Variants in NBPF15 observed in about 807,000 individuals in gnomAD.
The protein encoded by NBPF15 is NBPF family member NBPF15.
In NBPF15, 74 loss-of-function variants were observed where a neutral mutation model predicts 62.2. The observed-to-expected ratio is 1.19, with a 90% confidence interval of 0.99 to 1.44. The LOEUF is 1.44. NBPF15 is among the 40% of genes most tolerant of loss of function. The probability of loss-of-function intolerance (pLI) is 0.00; values close to 1 mark genes in which losing one functional copy is unlikely to be tolerated. For synonymous variants in NBPF15, 244 were observed against 209.7 expected, an observed-to-expected ratio of 1.16 and a Z score of -1.41; for missense variants, 790 against 550.0, an observed-to-expected ratio of 1.44 and a Z score of -4.36.
intron 6 of NBPF15, among the ~76,000 whole-genome samples, chr1:144,442,251 A>G (rs1365982600): frequency 8.3e-6 from 1 of 119,932 alleles, no homozygotes; most frequent in Admixed American, 9.2e-5. Flanking sequence ...TTATTAATAT[A>G]GATGTAGGCC....
intron 1 of NBPF15, among the ~76,000 whole-genome samples, 151 bp downstream of exon 1, chr1:144,461,230 C>T (rs61812049): frequency 4.6e-5 from 7 of 152,046 alleles, no homozygotes; most frequent in Non-Finnish European, 1.0e-4. Flanking sequence ...CAGCGGCAAG[C>T]GAGGAATCCA....
rs1416190785 is a variant in NBPF15, at chr1:144,428,025, G to A, written c.1041-35C>T. On this transcript the variant is annotated intron_variant, in intron 15 of 21. Coordinates refer to ENST00000581897, the MANE Select transcript of NBPF15 (RefSeq NM_001385408.1). ...TGGGAAAAAGTAAAGAATAAGCCAG[G>A]GGGAATCAGAAACCACACAGTCCCA... The A allele has an allele frequency of 4.0e-5, 31 of 767,440 alleles. No homozygotes were observed. The African/African-American group carries it at 4.6e-4, about 11-fold the overall frequency. 47.5% of individuals were successfully genotyped at this position (767,440 alleles called of 1,614,324 possible).
chr1:144,433,326 C>A (rs1349335558), intron 13 of NBPF15, among the ~76,000 whole-genome samples: 1 of 152,008 alleles, frequency 6.6e-6, no homozygotes, highest in Non-Finnish European at 1.5e-5. Context: ...AATTATAGCA[C>A]TAAATGCCCA....
chr1:144,453,139 CA>C (rs1364377667), intron 4 of NBPF15, among the ~76,000 whole-genome samples: 3 of 147,396 alleles, frequency 2.0e-5, no homozygotes, highest in African/African-American at 7.5e-5. Flanking sequence ...AGAAAACACA[CA>C]CATATAGATG....
chr1:144,455,535 A>T lies in NBPF15; in HGVS notation c.-432+1002T>A, dbSNP rs797034287. 2.0e-5 allele frequency among the ~76,000 whole-genome samples: 3 copies of T among 152,098 alleles called. 1 individual carries two copies. The South Asian group carries it at 6.2e-4, about 32-fold the overall frequency. ...TGTCTTTGGATAAGTTCTGGTGCCC[A>T]AAAGAATGAGATGAGACAGTGGATC... On this transcript the variant is annotated intron_variant, in intron 4 of 21. Transcript: ENST00000581897.
Position 144,440,313 on chromosome 1 carries a change from G to A in NBPF15, c.-190-18C>T. On this transcript the variant is annotated intron_variant, in intron 6 of 21. Transcript: ENST00000581897. ...GTAACCGTCTGCAGTTGCAATAACA[G>A]AATTAGAAGGTGGGGGTGTCATGGA... 1 of 1,309,536 alleles carries A rather than the reference G, an allele frequency of 7.6e-7. No individual in the cohort carries two copies. 81.1% of individuals were successfully genotyped at this position (1,309,536 alleles called of 1,614,324 possible).
rs1219775585 is a variant in NBPF15 at position 144,439,752 on chromosome 1, G to T, written c.175+77C>A. The T allele has an allele frequency of 2.9e-6, 3 of 1,044,954 alleles. No homozygotes were observed. In the East Asian group the frequency reaches 7.1e-5, roughly 25 times the overall value. The allele number at this position is 1,044,954 out of a possible 1,614,324, so 64.7% of individuals were successfully genotyped here. A position where few individuals can be genotyped will look rare whatever the true frequency, so the allele number is the denominator to read the frequency against. On this transcript the variant is annotated intron_variant, in intron 8 of 21. Transcript: ENST00000581897. ...AGGAAGGATGAAATTATTTTTGATG[G>T]AGAGAGCATTTAGTGTCTCAGAGAG...
At position 144,440,311 on chromosome 1, in the gene NBPF15, C is replaced by A. The variant is rs1478161524; in HGVS notation, c.-190-16G>T. 12 of 1,330,550 alleles carry A rather than the reference C, an allele frequency of 9.0e-6. No homozygotes were observed. The East Asian group carries it at 2.8e-4, about 31-fold the overall frequency. The allele number at this position is 1,330,550 out of a possible 1,614,324, so 82.4% of individuals were successfully genotyped here. On this transcript the variant is annotated splice_polypyrimidine_tract_variant and intron_variant, in intron 6 of 21. Transcript: ENST00000581897. ...AGGTAACCGTCTGCAGTTGCAATAA[C>A]AGAATTAGAAGGTGGGGGTGTCATG...
chr1:144,422,675 C>A lies in NBPF15; in HGVS notation c.*338G>T, dbSNP rs1472993674. The A allele has an allele frequency of 2.2e-6, 1 of 457,554 alleles. No homozygotes were observed. The highest frequency in any genetic ancestry group is 4.3e-5 in the East Asian group (1 of 23,424). The allele number at this position is 457,554 out of a possible 1,614,324, so 28.3% of individuals were successfully genotyped here. On this transcript the variant is annotated 3_prime_UTR_variant, in exon 22 of 22. Coordinates refer to ENST00000581897, the MANE Select transcript of NBPF15 (RefSeq NM_001385408.1). ...AGCTAAACACAAAGATGACAATGAC[C>A]TTGAGCAGGTATAGAAGCTCAGAGA...
At chr1:144,439,799 C>T in intron 8 of NBPF15, 30 bp downstream of exon 8, 2 of 1,557,868 alleles carry the variant, frequency 1.3e-6, no homozygotes, top group Non-Finnish European at 1.8e-6. Flanking sequence ...TCATTCATCA[C>T]TTTCATGACG....
rs1338494027 is a variant in NBPF15 at position 144,423,939 on chromosome 1, C to T, written c.1700G>A (p.Gly567Glu). 5.1e-6 allele frequency: 4 copies of T among 784,634 alleles called. No homozygotes were observed. Among genetic ancestry groups the T allele is most frequent in the East Asian group, 2.4e-5 (1 of 41,282 alleles). The allele number at this position is 784,634 out of a possible 1,614,324, so 48.6% of individuals were successfully genotyped here. A position where few individuals can be genotyped will look rare whatever the true frequency, so the allele number is the denominator to read the frequency against. The part of the protein sequence containing the change: ...EKKGKGKKRR[G>E]RRSKKKRRRG... Reference sequence around the variant, plus strand: ...TCTTCTTTTCTTCTTTGATCTTCTTCCCCTTCTTTTCTTCCCCTTCCCCTT... The same window carrying T: ...TCTTCTTTTCTTCTTTGATCTTCTTTCCCTTCTTTTCTTCCCCTTCCCCTT... Residue 567 changes from glycine to glutamate, a missense_variant, in exon 21 of 22, where the codon GGA (glycine) becomes GAA (glutamate). Gly to Glu is a moderately conservative substitution (Grantham distance 98, BLOSUM62 -2). Transcript: ENST00000581897.
At chr1:144,448,339 G>A (rs1221589981) in intron 6 of NBPF15, among the ~76,000 whole-genome samples, 1 of 151,982 alleles carries the variant, frequency 6.6e-6, no homozygotes, top group East Asian at 1.9e-4. Context: ...TGTCTACTGT[G>A]TCCAGACATT....
In NBPF15 at chr1:144,450,753, G is replaced by C. The variant is rs587602584; in HGVS notation, c.-333+19C>G. On this transcript the variant is annotated intron_variant, in intron 5 of 21. Transcript: ENST00000581897. Reference sequence around the variant, plus strand: ...TCAACCAATCAATGAAAGAACTACAGTAAAAATATTGCCCTCACCTTTATG... The same window carrying C: ...TCAACCAATCAATGAAAGAACTACACTAAAAATATTGCCCTCACCTTTATG... The C allele has an allele frequency of 1.6e-6, 1 of 622,120 alleles. No individual in the cohort carries two copies. The highest frequency in any genetic ancestry group is 2.0e-6 in the Non-Finnish European group (1 of 499,660). 38.5% of individuals were successfully genotyped at this position (622,120 alleles called of 1,614,324 possible). A position where few individuals can be genotyped will look rare whatever the true frequency, so the allele number is the denominator to read the frequency against.
intron 6 of NBPF15, among the ~76,000 whole-genome samples, chr1:144,445,354 TACACACACACAC>T (rs57409765): frequency 9.6e-6 from 1 of 104,456 alleles, no homozygotes. Context: ...TATATATATA[TACACACACACAC>T]ACACACACAC....
chr1:144,447,975 C>G (rs587668554), intron 6 of NBPF15, among the ~76,000 whole-genome samples: 2 of 152,152 alleles, frequency 1.3e-5, no homozygotes, highest in East Asian at 3.9e-4. Flanking sequence ...CAGCATCAGC[C>G]ACTGTCGGCT....
chr1:144,441,969 C>T (rs1322698217), intron 6 of NBPF15, among the ~76,000 whole-genome samples: 1 of 148,554 alleles, frequency 6.7e-6, no homozygotes, highest in Non-Finnish European at 1.5e-5. Flanking sequence ...AATGAGAACA[C>T]TTGGACACAG....
At chr1:144,440,859 C>T (rs1180891094) in intron 6 of NBPF15, among the ~76,000 whole-genome samples, 15 of 150,632 alleles carry the variant, frequency 1.0e-4, no homozygotes, top group Admixed American at 1.3e-4. Context: ...TTAGTAGAGA[C>T]GGGGTTTCAC....
intron 4 of NBPF15, among the ~76,000 whole-genome samples, chr1:144,451,493 G>A (rs1346341790): frequency 6.6e-6 from 1 of 151,754 alleles, no homozygotes; most frequent in Non-Finnish European, 1.5e-5. Flanking sequence ...TTCCCACGAG[G>A]CTGTATTTCA....
At chr1:144,424,259 A>C (rs1454496761) in intron 20 of NBPF15, among the ~76,000 whole-genome samples, 3 of 151,886 alleles carry the variant, frequency 2.0e-5, no homozygotes, top group Non-Finnish European at 4.4e-5. Context: ...CAATCAATTT[A>C]AAGCAAATAC....
Sources: gnomAD v4.1 joint callset for allele counts (sites outside exome capture counted in the v4.1 genomes callset) on GRCh38, gnomAD v4.1.1 for gene constraint, MANE v1.5 for transcripts, NCBI Gene and HGNC (gene_info 2026-07-23, HGNC 2026-07-21) for gene names.